Variants in CUZD1 observed in about 807,000 individuals in gnomAD.
The protein encoded by CUZD1 is CUB and zona pellucida like domains 1, also known as CUB and zona pellucida-like domain-containing protein 1.
Under a neutral mutation model 53.1 loss-of-function variants are expected in CUZD1, and 42 were observed. That is an observed-to-expected ratio of 0.79 (90% CI 0.62 to 1.02). The LOEUF is 1.02. CUZD1 is among the 50% of genes least tolerant of loss of function. The pLI, the probability that CUZD1 is intolerant of heterozygous loss-of-function variation, is 0.00. For missense variants in CUZD1, 670 were observed against 715.7 expected (o/e 0.94, Z 0.73); for synonymous variants, 238 against 257.2 (o/e 0.93, Z 0.71).
At position 122,841,335 on chromosome 10, in the gene CUZD1, G is replaced by A. The variant is rs775774628; in HGVS notation, c.83-7C>T. 3.8e-6 allele frequency: 6 copies of A among 1,589,050 alleles called. No homozygotes were observed. Among genetic ancestry groups the A allele is most frequent in the Non-Finnish European group, 5.1e-6 (6 of 1,168,656 alleles). On this transcript the variant is annotated splice_region_variant and splice_polypyrimidine_tract_variant and intron_variant, in intron 1 of 8. Coordinates refer to ENST00000392790, the MANE Select transcript of CUZD1 (RefSeq NM_022034.6). ...ACTGTGCAGCTTGCATTGCCTGTTA[G>A]AGATCACAGATGGCACTCAGGAAAG...
rs1847297135 is a variant in CUZD1, at chr10:122,839,142, C to T, written c.323G>A (p.Ser108Asn). 1.2e-6 allele frequency: 2 copies of T among 1,607,494 alleles called. No homozygotes were observed. The highest frequency in any genetic ancestry group is 1.7e-6 in the Non-Finnish European group (2 of 1,176,290). Residue 108 changes from serine (S) to asparagine (N), a missense_variant, in exon 3 of 9, where the codon AGT (serine) becomes AAT (asparagine). By Grantham distance (46) the Ser-to-Asn change is conservative. Coordinates refer to ENST00000392790, the MANE Select transcript of CUZD1 (RefSeq NM_022034.6). ...AAATACAGGAACATAGTCGTTTTTACTGCAGACTTGCCCTAGCAGAGGCCC... is the reference window on the plus strand; with the variant it reads ...AAATACAGGAACATAGTCGTTTTTATTGCAGACTTGCCCTAGCAGAGGCCC... ...SNGPLLGQVC[S>N]KNDYVPVFES...
chr10:122,838,301 C>A (rs1402894558), intron 3 of CUZD1, among the ~76,000 whole-genome samples: 1 of 152,156 alleles, frequency 6.6e-6, no homozygotes, highest in East Asian at 1.9e-4. Context: ...ACCAAGAAGT[C>A]AGTGGTTTTA....
intron 7 of CUZD1, among the ~76,000 whole-genome samples, 190 bp downstream of exon 7, chr10:122,834,512 CATAA>C (rs1205470715): frequency 6.6e-6 from 1 of 151,984 alleles, no homozygotes; most frequent in Non-Finnish European, 1.5e-5. Flanking sequence ...GCTGTGTCTG[CATAA>C]ATGTTTAAAT....
intron 8 of CUZD1, among the ~76,000 whole-genome samples, 154 bp from the exon 9 acceptor site, chr10:122,832,604 C>T (rs996030585): frequency 1.3e-5 from 2 of 152,016 alleles, no homozygotes; most frequent in Admixed American, 6.6e-5. Flanking sequence ...GAACCATTAT[C>T]AAATAGTTGA....
Position 122,840,396 on chromosome 10 carries a change from T to G in CUZD1, c.233+782A>C, listed in dbSNP as rs964128806. Among the ~76,000 whole-genome samples the G allele has an allele frequency of 5.3e-5, 8 of 152,286 alleles. No individual in the cohort carries two copies. The East Asian group carries it at 1.5e-3, about 29-fold the overall frequency. Reference sequence around the variant, plus strand: ...CAGGCTTCTGATGTATGGTCAAGTGTAAGAACCACTGGGACAGGCGTAAGA... The same window carrying G: ...CAGGCTTCTGATGTATGGTCAAGTGGAAGAACCACTGGGACAGGCGTAAGA... On this transcript the variant is annotated intron_variant, in intron 2 of 8. Transcript: ENST00000392790.
chr10:122,834,983 G>A lies in CUZD1; in HGVS notation c.1105C>T (p.His369Tyr). The change falls in exon 7 of 9, where the codon CAT (histidine) becomes TAT (tyrosine). Residue 369 changes from histidine (H) to tyrosine (Y), a missense_variant. Physicochemically the swap from His to Tyr is moderately conservative, Grantham distance 83. Coordinates refer to ENST00000392790, the MANE Select transcript of CUZD1 (RefSeq NM_022034.6). ...LQIIVKCEMG[H>Y]NSTVEIIYIT... The stretch of plus-strand genomic sequence containing the variant: ...TATATTATCTCCACTGTAGAATTAT[G>A]TCCCATTTCACACTTCACAATAATC... The A allele has an allele frequency of 1.2e-6, 2 of 1,613,708 alleles. No homozygotes were observed. Among genetic ancestry groups the A allele is most frequent in the South Asian group, 1.1e-5 (1 of 91,036 alleles).
chr10:122,839,211 C>T lies in CUZD1; in HGVS notation c.254G>A (p.Cys85Tyr). The change falls in exon 3 of 9, where the codon TGT becomes TAT. Residue 85 changes from cysteine to tyrosine, a missense_variant. Coordinates refer to ENST00000392790, the MANE Select transcript of CUZD1 (RefSeq NM_022034.6). ...SYVQLDPDGS[C>Y]ESENIKVFDG... ...AAAGACTTTAATGTTTTCACTTTCACAGCTTCCATCTGGATCAAGCCTGTG... is the reference window on the plus strand; with the variant it reads ...AAAGACTTTAATGTTTTCACTTTCATAGCTTCCATCTGGATCAAGCCTGTG... The T allele has an allele frequency of 2.5e-6, 4 of 1,613,924 alleles. No homozygotes were observed. The highest frequency in any genetic ancestry group is 3.4e-6 in the Non-Finnish European group (4 of 1,179,838).
At chr10:122,839,319 T>C in intron 2 of CUZD1, 88 bp from the exon 3 acceptor site, 1 of 1,139,820 alleles carries the variant, frequency 8.8e-7, no homozygotes, top group Non-Finnish European at 1.3e-6. Flanking sequence ...GGCATGTAAA[T>C]TTACAAAGTG....
rs1847272032 is a variant in CUZD1, at chr10:122,837,496, A to G, written c.507T>C (p.Asn169=). The G allele has an allele frequency of 5.0e-6, 8 of 1,610,720 alleles. No homozygotes were observed. Among genetic ancestry groups the G allele is most frequent in the Non-Finnish European group, 6.8e-6 (8 of 1,178,728 alleles). ...DTLEGSFTSP[N]YPKPHPELAY... Reference sequence around the variant, plus strand: ...CCAGCTCAGGATGCGGCTTTGGGTAATTGGGGCTGGTGAAGGATCCTTCCA... The same window carrying G: ...CCAGCTCAGGATGCGGCTTTGGGTAGTTGGGGCTGGTGAAGGATCCTTCCA... Residue 169 remains asparagine (N), a synonymous_variant, in exon 4 of 9, where the codon AAT becomes AAC. Coordinates refer to ENST00000392790, the MANE Select transcript of CUZD1 (RefSeq NM_022034.6).
Position 122,834,828 on chromosome 10 carries a change from T to G in CUZD1, c.1260A>C (p.Gln420His). 6.2e-7 allele frequency: 1 copy of G among 1,613,846 alleles called. No homozygotes were observed. Among genetic ancestry groups the G allele is most frequent in the Admixed American group, 1.7e-5 (1 of 59,994 alleles). Residue 420 changes from glutamine (Q) to histidine (H), a missense_variant, in exon 7 of 9, where the codon CAA (glutamine) becomes CAC (histidine). Gln to His is a conservative substitution (Grantham distance 24). Coordinates refer to ENST00000392790, the MANE Select transcript of CUZD1 (RefSeq NM_022034.6). ...GCAGACTAACTTGAACAAAAAGAGT[T>G]TGGTTCAAATCCACATAATATGGTG... is the stretch of plus-strand genomic sequence containing the variant. ...LESPYYVDLN[Q>H]TLFVQVSLHT...
At position 122,837,000 on chromosome 10, in the gene CUZD1, A is replaced by G. The variant is rs867748457; in HGVS notation, c.648T>C (p.Asp216=). Residue 216 remains aspartate (D), a synonymous_variant, in exon 5 of 9, where the codon GAT becomes GAC. Coordinates refer to ENST00000392790, the MANE Select transcript of CUZD1 (RefSeq NM_022034.6). ...TCAGGCCAGAGTTGGTGGAGGGGCCATCATAGATGGCAAGAAAATCAAATT... is the reference window on the plus strand; with the variant it reads ...TCAGGCCAGAGTTGGTGGAGGGGCCGTCATAGATGGCAAGAAAATCAAATT... ...QCKFDFLAIY[D]GPSTNSGLIG... 1 of 1,613,800 alleles carries G rather than the reference A, an allele frequency of 6.2e-7. No homozygotes were observed. Among genetic ancestry groups the G allele is most frequent in the Non-Finnish European group, 8.5e-7 (1 of 1,179,840 alleles).
chr10:122,835,869 TA>T (rs1377662304), intron 6 of CUZD1, among the ~76,000 whole-genome samples: 1 of 152,222 alleles, frequency 6.6e-6, no homozygotes, highest in Non-Finnish European at 1.5e-5. Flanking sequence ...ATTTTCTGCA[TA>T]AGTGTTACTG....
chr10:122,845,446 A>C lies in CUZD1; in HGVS notation c.82+316T>G, dbSNP rs887387019. On this transcript the variant is annotated intron_variant, in intron 1 of 8. Coordinates refer to ENST00000392790, the MANE Select transcript of CUZD1 (RefSeq NM_022034.6). ...TTACCGTAAGAAATAATGAAAATTC[A>C]TGTTGTAGTTTACAATTATGTAAGT... 2.0e-4 allele frequency among the ~76,000 whole-genome samples: 30 copies of C among 152,180 alleles called. 1 individual carries two copies. The highest frequency in any genetic ancestry group is 1.6e-3 in the Admixed American group (25 of 15,284).
At chr10:122,835,979 C>T (rs1218666854) in intron 6 of CUZD1, among the ~76,000 whole-genome samples, 199 bp downstream of exon 6, 1 of 152,116 alleles carries the variant, frequency 6.6e-6, no homozygotes, top group Non-Finnish European at 1.5e-5. Flanking sequence ...CCCCACTTAT[C>T]CTGAAAATGA....
Position 122,838,281 on chromosome 10 carries a change from A to T in CUZD1, c.449-727T>A, listed in dbSNP as rs191404145. The stretch of plus-strand genomic sequence containing the variant: ...AAACCTTGACTGCTGCACTCTGGAG[A>T]TCTGCTGGTACCAAGAAGTCAGTGG... On this transcript the variant is annotated intron_variant, in intron 3 of 8. Coordinates refer to ENST00000392790, the MANE Select transcript of CUZD1 (RefSeq NM_022034.6). Among the ~76,000 whole-genome samples, 264 of 152,258 alleles carry T rather than the reference A, an allele frequency of 1.7e-3. 1 individual carries two copies. The highest frequency in any genetic ancestry group is 6.0e-3 in the African/African-American group (250 of 41,550).
chr10:122,836,149 A>G, intron 6 of CUZD1, 29 bp downstream of exon 6: 1 of 1,574,190 alleles, frequency 6.4e-7, no homozygotes, highest in Admixed American at 1.9e-5. Flanking sequence ...AGCATTTGAC[A>G]AAATCCAGCT....
At chr10:122,840,028 A>G (rs960239108) in intron 2 of CUZD1, among the ~76,000 whole-genome samples, 7 of 152,174 alleles carry the variant, frequency 4.6e-5, no homozygotes, top group African/African-American at 1.7e-4. Context: ...GGCCTGGCAC[A>G]TAGGTGTTCA....
intron 1 of CUZD1, among the ~76,000 whole-genome samples, chr10:122,843,897 ATAT>A (rs1459491499): frequency 6.8e-6 from 1 of 147,138 alleles, no homozygotes; most frequent in Non-Finnish European, 1.5e-5. Context: ...ACAGTTATAT[ATAT>A]TGTTAGATAT....
At chr10:122,832,703 C>T (rs1284302100) in intron 8 of CUZD1, among the ~76,000 whole-genome samples, 2 of 151,904 alleles carry the variant, frequency 1.3e-5, no homozygotes, top group East Asian at 3.9e-4. Flanking sequence ...ACGTGTAACA[C>T]TCAAGCATAA....
Sources: gnomAD v4.1 joint callset for allele counts (sites outside exome capture counted in the v4.1 genomes callset) on GRCh38, gnomAD v4.1.1 for gene constraint, MANE v1.5 for transcripts, NCBI Gene and HGNC (gene_info 2026-07-23, HGNC 2026-07-21) for gene names.